SLC25A48: variants seen among roughly 807,000 people sequenced by gnomAD.
SLC25A48 encodes the protein CTC-321K16.1.
A neutral mutation model predicts 32.2 loss-of-function variants in SLC25A48; 29 were observed. That is an observed-to-expected ratio of 0.90 (90% CI 0.67 to 1.23). The LOEUF is 1.23. SLC25A48 is among the 50% of genes most tolerant of loss of function. SLC25A48 has a pLI of 0.00. For missense variants in SLC25A48, 399 were observed against 422.7 expected (o/e 0.94, Z 0.49); for synonymous variants, 164 against 172.3 (o/e 0.95, Z 0.38).
intron 3 of SLC25A48, among the ~76,000 whole-genome samples, chr5:135,684,723 C>T (rs1183165663): frequency 1.3e-5 from 2 of 152,228 alleles, no homozygotes; most frequent in African/African-American, 4.8e-5. Flanking sequence ...GCTTTTTTCA[C>T]TTTACGGTAG....
intron 3 of SLC25A48, among the ~76,000 whole-genome samples, chr5:135,804,695 G>A (rs1268360190): frequency 1.3e-5 from 2 of 151,338 alleles, no homozygotes; most frequent in African/African-American, 4.8e-5. Context: ...TGTGTGTACA[G>A]TCTGTGATAT....
intron 6 of SLC25A48, among the ~76,000 whole-genome samples, chr5:135,879,616 G>C (rs1345570975): frequency 2.4e-5 from 3 of 124,598 alleles, no homozygotes; most frequent in Admixed American, 2.2e-4. Flanking sequence ...GAGAGAGTGT[G>C]TGTGTGTGTG....
chr5:135,814,696 C>G (rs983505112), intron 4 of SLC25A48, among the ~76,000 whole-genome samples: 1 of 152,184 alleles, frequency 6.6e-6, no homozygotes, highest in Non-Finnish European at 1.5e-5. Context: ...GGATGGTGCT[C>G]TGAATCCCCA....
rs529591849 is a variant in SLC25A48, at chr5:135,790,285, C to G, written c.-520-22238C>G. ...TACGTACTATCATAGAAAAATATTA[C>G]TTCTAATGTCACAGTGGGTTACTCC... On this transcript the variant is annotated intron_variant, in intron 3 of 10. Coordinates refer to the SLC25A48 transcript ENST00000646290. 2.0e-4 allele frequency among the ~76,000 whole-genome samples: 31 copies of G among 151,664 alleles called. No homozygotes were observed. In the East Asian group the frequency reaches 5.7e-3, roughly 28 times the overall value.
chr5:135,800,903 G>A (rs1258841252), intron 3 of SLC25A48, among the ~76,000 whole-genome samples: 1 of 151,276 alleles, frequency 6.6e-6, no homozygotes, highest in African/African-American at 2.4e-5. Context: ...TATCGCAGGG[G>A]CGTGTACACC....
In SLC25A48 at chr5:135,693,660, A is replaced by C. The variant is rs547808487; in HGVS notation, c.-521+58704A>C. 3.9e-3 allele frequency among the ~76,000 whole-genome samples: 594 copies of C among 152,354 alleles called. 5 individuals carry two copies. The highest frequency in any genetic ancestry group is 0.014 in the African/African-American group (563 of 41,580). On this transcript the variant is annotated intron_variant, in intron 3 of 10. Coordinates refer to the SLC25A48 transcript ENST00000646290. ...GTTACCACCTGACACCACCCGTGCC[A>C]AGCAGCCACTACCAACTGAATGGAA... is the stretch of plus-strand genomic sequence containing the variant.
intron 1 of SLC25A48, among the ~76,000 whole-genome samples, chr5:135,622,769 T>C (rs1398653295): frequency 1.3e-5 from 2 of 152,244 alleles, no homozygotes; most frequent in African/African-American, 2.4e-5. Context: ...TTTGTAATGA[T>C]AACATGTTAA....
intron 3 of SLC25A48, among the ~76,000 whole-genome samples, chr5:135,645,213 C>T (rs1238575300): frequency 6.6e-6 from 1 of 152,190 alleles, no homozygotes; most frequent in African/African-American, 2.4e-5. Context: ...TTTGAGTGTA[C>T]AGATGTGGAG....
intron 1 of SLC25A48, among the ~76,000 whole-genome samples, chr5:135,624,052 C>CGG (rs1166691198): frequency 6.6e-6 from 1 of 152,054 alleles, no homozygotes; most frequent in Non-Finnish European, 1.5e-5. Context: ...CGGGTGGGAG[C>CGG]GGGGGGTTGG....
intron 3 of SLC25A48, among the ~76,000 whole-genome samples, chr5:135,744,436 C>T (rs937728440): frequency 7.3e-6 from 1 of 137,230 alleles, no homozygotes; most frequent in African/African-American, 2.6e-5. Context: ...CTGCAACCTC[C>T]ACCTCCCCAG....
chr5:135,867,250 T>C (rs533174036), intron 4 of SLC25A48, among the ~76,000 whole-genome samples: 1 of 152,166 alleles, frequency 6.6e-6, no homozygotes, highest in Non-Finnish European at 1.5e-5. Flanking sequence ...GGGCTGGGAG[T>C]TGGCAGTTTC....
intron 3 of SLC25A48, among the ~76,000 whole-genome samples, chr5:135,721,192 CTTTTTTT>C (rs757412641): frequency 4.7e-3 from 251 of 53,830 alleles, no homozygotes; most frequent in African/African-American, 8.1e-3. Context: ...CATGCCTGGC[CTTTTTTT>C]TTTTTTTTTT....
At chr5:135,644,313 A>G (rs1377017383) in intron 3 of SLC25A48, among the ~76,000 whole-genome samples, 1 of 152,116 alleles carries the variant, frequency 6.6e-6, no homozygotes, top group Non-Finnish European at 1.5e-5. Context: ...GTGGAAGATG[A>G]CACAGGACAG....
At chr5:135,766,219 A>G (rs991002824) in intron 3 of SLC25A48, among the ~76,000 whole-genome samples, 6 of 151,758 alleles carry the variant, frequency 4.0e-5, no homozygotes, top group African/African-American at 1.5e-4. Context: ...AGAGGGTGAT[A>G]TTACTCCCCA....
intron 3 of SLC25A48, among the ~76,000 whole-genome samples, chr5:135,663,763 C>T (rs944887460): frequency 6.6e-6 from 1 of 152,270 alleles, no homozygotes; most frequent in East Asian, 1.9e-4. Flanking sequence ...GGTTATCTCT[C>T]ACCTCCACCT....
At chr5:135,807,280 G>T (rs1757484987) in intron 3 of SLC25A48, among the ~76,000 whole-genome samples, 1 of 150,032 alleles carries the variant, frequency 6.7e-6, no homozygotes, top group African/African-American at 2.4e-5. Flanking sequence ...GTTAACTCTG[G>T]ATATAGTAAT....
At chr5:135,850,571 C>T in intron 3 of SLC25A48, 75 bp downstream of exon 3, 2 of 1,414,892 alleles carry the variant, frequency 1.4e-6, no homozygotes, top group African/African-American at 1.4e-5. Context: ...CACAGCCCCA[C>T]ACCAGCATGC....
intron 3 of SLC25A48, among the ~76,000 whole-genome samples, chr5:135,722,208 T>C (rs1037333585): frequency 1.3e-5 from 2 of 152,220 alleles, no homozygotes; most frequent in South Asian, 4.1e-4. Flanking sequence ...TGTTGTCTTC[T>C]CTTTCTTCGA....
At chr5:135,819,300 C>T (rs142434536) in intron 4 of SLC25A48, among the ~76,000 whole-genome samples, 1,702 of 152,174 alleles carry the variant, frequency 0.011, 14 homozygotes, top group Middle Eastern at 0.027. Flanking sequence ...GTGCTAAAAA[C>T]CTTATCTGTT....
Sources: allele counts gnomAD v4.1 joint callset (sites outside exome capture counted in the v4.1 genomes callset), GRCh38; gene constraint gnomAD v4.1.1; transcripts MANE v1.5; gene names NCBI Gene and HGNC (gene_info 2026-07-23, HGNC 2026-07-21).